NXPE4: variants seen among roughly 807,000 people sequenced by gnomAD.
NXPE4 encodes the protein neurexophilin and PC-esterase domain family member 4, also known as NXPE family member 4.
In NXPE4, 42 loss-of-function variants were observed where a neutral mutation model predicts 33.3. The observed-to-expected ratio is 1.26, with a 90% CI of 0.98 to 1.63. The LOEUF is 1.63. Among genes scored for constraint, NXPE4 ranks in the 40% most tolerant of loss-of-function variants. The pLI is 0.00. For missense variants in NXPE4, 709 were observed against 647.6 expected, an observed-to-expected ratio of 1.09 and a Z score of -1.03; for synonymous variants, 253 against 234.9, an observed-to-expected ratio of 1.08 and a Z score of -0.71.
chr11:114,598,844 C>G (rs568014031), upstream of NXPE4, among the ~76,000 whole-genome samples: 1 of 151,114 alleles, frequency 6.6e-6, no homozygotes, highest in South Asian at 2.1e-4. Context: ...GGCCTTCTCC[C>G]CATTGTCTCC....
chr11:114,595,821 TG>T (rs915560993), upstream of NXPE4: 4 of 152,334 alleles, frequency 2.6e-5, no homozygotes, highest in Non-Finnish European at 4.4e-5. Context: ...AGGAGGGGCC[TG>T]GATCACAAAC....
chr11:114,643,521 C>A, the NXPE4 span, among the ~76,000 whole-genome samples: 3 of 152,042 alleles, frequency 2.0e-5, no homozygotes, highest in Non-Finnish European at 4.4e-5. Context: ...GGAATCCTTT[C>A]CCCATTGCTT....
chr11:114,667,883 G>C, the NXPE4 span, among the ~76,000 whole-genome samples: 5 of 152,202 alleles, frequency 3.3e-5, no homozygotes, highest in South Asian at 8.3e-4. Flanking sequence ...GTTCTCAACT[G>C]CACAAACTAT....
the NXPE4 span, among the ~76,000 whole-genome samples, chr11:114,647,762 C>T: frequency 2.0e-5 from 3 of 151,560 alleles, no homozygotes; most frequent in Non-Finnish European, 2.9e-5. Flanking sequence ...AGTACAGTGG[C>T]ATGATCTGGG....
At chr11:114,629,315 A>G in the NXPE4 span, among the ~76,000 whole-genome samples, 1 of 152,112 alleles carries the variant, frequency 6.6e-6, no homozygotes, top group South Asian at 2.1e-4. Context: ...CAAAAAGCTT[A>G]TCCACCATGA....
chr11:114,607,612 G>C, the NXPE4 span, among the ~76,000 whole-genome samples: 5 of 148,348 alleles, frequency 3.4e-5, no homozygotes, highest in African/African-American at 9.9e-5. Flanking sequence ...TGAGTAACCA[G>C]TGTTACCCGG....
the NXPE4 span, among the ~76,000 whole-genome samples, chr11:114,604,404 T>C: frequency 2.0e-5 from 3 of 151,366 alleles, no homozygotes; most frequent in South Asian, 6.3e-4. Flanking sequence ...ACATGATGGA[T>C]AGTAAGTATT....
chr11:114,594,465 A>G (rs1040247933), intron 2 of NXPE4, among the ~76,000 whole-genome samples, 199 bp downstream of exon 2: 1 of 152,216 alleles, frequency 6.6e-6, no homozygotes, highest in African/African-American at 2.4e-5. Flanking sequence ...ACAAAGAAAG[A>G]ATGTGTATGT....
the NXPE4 span, among the ~76,000 whole-genome samples, chr11:114,632,719 A>G: frequency 3.2e-5 from 2 of 61,622 alleles, no homozygotes; most frequent in African/African-American, 1.2e-4. Flanking sequence ...AATATAATAT[A>G]TATAATATAT....
the NXPE4 span, among the ~76,000 whole-genome samples, chr11:114,628,611 C>T: frequency 6.8e-6 from 1 of 147,520 alleles, no homozygotes; most frequent in Non-Finnish European, 1.5e-5. Flanking sequence ...ATTAAAAGAA[C>T]TAGAAAAGCA....
At chr11:114,622,052 T>A in the NXPE4 span, among the ~76,000 whole-genome samples, 6 of 152,066 alleles carry the variant, frequency 3.9e-5, no homozygotes, top group Non-Finnish European at 7.4e-5. Flanking sequence ...TAATAAGTAT[T>A]CCTTCATGGG....
the NXPE4 span, among the ~76,000 whole-genome samples, chr11:114,667,794 A>G: frequency 6.6e-6 from 1 of 152,126 alleles, no homozygotes; most frequent in Non-Finnish European, 1.5e-5. Context: ...TCAGATGATG[A>G]GCGTATCTCC....
At chr11:114,616,116 C>A in the NXPE4 span, among the ~76,000 whole-genome samples, 1 of 151,562 alleles carries the variant, frequency 6.6e-6, no homozygotes, top group African/African-American at 2.4e-5. Context: ...CATGGGTAAC[C>A]ACTGTTATCC....
At chr11:114,619,490 A>G in the NXPE4 span, among the ~76,000 whole-genome samples, 3 of 151,944 alleles carry the variant, frequency 2.0e-5, no homozygotes, top group East Asian at 5.8e-4. Context: ...CCAGTGGAGG[A>G]TAAGTGTTGC....
the NXPE4 span, among the ~76,000 whole-genome samples, chr11:114,651,538 G>A: frequency 2.2e-4 from 33 of 152,340 alleles, no homozygotes; most frequent in African/African-American, 7.9e-4. Context: ...AATCCGAAAA[G>A]ATTGCCACTG....
At chr11:114,619,902 G>GA in the NXPE4 span, among the ~76,000 whole-genome samples, 1 of 151,970 alleles carries the variant, frequency 6.6e-6, no homozygotes, top group African/African-American at 2.4e-5. Flanking sequence ...TTATCCTGTG[G>GA]AAAATAAGTG....
chr11:114,581,951 A>G (rs752399625), intron 3 of NXPE4, among the ~76,000 whole-genome samples, 165 bp from the exon 4 acceptor site: 7 of 152,208 alleles, frequency 4.6e-5, no homozygotes, highest in Non-Finnish European at 5.9e-5. Flanking sequence ...CTATTAGGCT[A>G]TGGGATACAG....
intron 5 of NXPE4, among the ~76,000 whole-genome samples, chr11:114,572,073 A>G (rs867136804): frequency 2.9e-4 from 44 of 152,132 alleles, no homozygotes; most frequent in African/African-American, 1.0e-3. Flanking sequence ...GTCACATCCT[A>G]TGGGATTCTT....
chr11:114,600,935 A>G, the NXPE4 span, among the ~76,000 whole-genome samples: 1 of 152,070 alleles, frequency 6.6e-6, no homozygotes. Flanking sequence ...ATAGTTCTCC[A>G]TGAAATGATT....
Sources: allele counts gnomAD v4.1 joint callset (sites outside exome capture counted in the v4.1 genomes callset), GRCh38; gene constraint gnomAD v4.1.1; transcripts MANE v1.5; gene names NCBI Gene and HGNC (gene_info 2026-07-23, HGNC 2026-07-21).